Variants in FAT2 observed in about 807,000 individuals in gnomAD.
FAT2 encodes protocadherin Fat 2.
Under a neutral mutation model 295.3 loss-of-function variants are expected in FAT2, and 150 were observed. The observed-to-expected ratio is 0.51, with a 90% CI of 0.44 to 0.58. The LOEUF is 0.58. Among genes scored for constraint, FAT2 ranks in the 20% least tolerant of loss-of-function variants. FAT2 has a pLI of 0.00. For synonymous variants in FAT2, 2,026 were observed against 2,150.3 expected (o/e 0.94, Z 1.60); for missense variants, 4,868 against 5,442.7 (o/e 0.89, Z 3.32).
chr5:151,509,202 A>AT (rs1380215472), intron 22 of FAT2, among the ~76,000 whole-genome samples: 3 of 152,142 alleles, frequency 2.0e-5, no homozygotes, highest in Non-Finnish European at 4.4e-5. Flanking sequence ...CACTTCAGCC[A>AT]TTTTCAGACT....
At chr5:151,523,314 A>G (rs1047506345) in intron 18 of FAT2, among the ~76,000 whole-genome samples, 2 of 152,214 alleles carry the variant, frequency 1.3e-5, no homozygotes, top group Admixed American at 6.5e-5. Flanking sequence ...ACTGAGTACA[A>G]TGCTAGTCAT....
intron 12 of FAT2, 106 bp downstream of exon 12, chr5:151,537,687 A>T: frequency 1.8e-6 from 2 of 1,117,386 alleles, no homozygotes; most frequent in Non-Finnish European, 2.6e-6. Context: ...GTTTGCTGAT[A>T]GATGAGTGAA....
intron 13 of FAT2, among the ~76,000 whole-genome samples, chr5:151,532,960 A>G (rs574335941): frequency 1.3e-5 from 2 of 152,350 alleles, no homozygotes; most frequent in Non-Finnish European, 2.9e-5. Flanking sequence ...TGGCACTTAT[A>G]TGAAGAAACC....
intron 9 of FAT2, among the ~76,000 whole-genome samples, chr5:151,546,857 T>A (rs958250683): frequency 6.6e-6 from 1 of 152,204 alleles, no homozygotes; most frequent in East Asian, 1.9e-4. Context: ...GGATTACAGG[T>A]GTGAGCCACC....
At position 151,566,823 on chromosome 5, in the gene FAT2, G is replaced by A. The variant is rs749960457; in HGVS notation, c.2109C>T (p.Ser703=). Residue 703 remains serine, a synonymous_variant, in exon 2 of 24, where the codon AGC becomes AGT. Coordinates refer to ENST00000261800, the MANE Select transcript of FAT2 (RefSeq NM_001447.3). ...GGGTGTAATGATTAATCTGATATGT[G>A]CTTAAAGAAGTGAATTCCTCATCAC... ...ESSDEEFTSL[S]TYQINHYTPQ... is the part of the protein sequence containing the mutation. The A allele has an allele frequency of 6.2e-7, 1 of 1,614,170 alleles. No homozygotes were observed. The highest frequency in any genetic ancestry group is 8.5e-7 in the Non-Finnish European group (1 of 1,180,016).
intron 9 of FAT2, 77 bp from the exon 10 acceptor site, chr5:151,546,414 G>T (rs1457021803): frequency 1.8e-6 from 2 of 1,128,300 alleles, no homozygotes; most frequent in Non-Finnish European, 2.5e-6. Flanking sequence ...TCAGTAAAGG[G>T]TCTATCACAC....
intron 20 of FAT2, among the ~76,000 whole-genome samples, chr5:151,513,728 T>A (rs150910993): frequency 6.6e-4 from 100 of 152,310 alleles, no homozygotes; most frequent in Admixed American, 9.2e-4. Context: ...CCTGCATATG[T>A]ACCCCCGAAA....
In FAT2 at chr5:151,543,236, T is replaced by TG. The variant is rs1162279385; in HGVS notation, c.7890_7891insC (p.Lys2631GlnfsTer5). 6.2e-7 allele frequency: 1 copy of TG among 1,614,186 alleles called. No individual in the cohort carries two copies. The highest frequency in any genetic ancestry group is 8.5e-7 in the Non-Finnish European group (1 of 1,180,022). On this transcript the variant is annotated frameshift_variant, in exon 10 of 24. Coordinates refer to ENST00000261800, the MANE Select transcript of FAT2 (RefSeq NM_001447.3). LOFTEE classifies it high-confidence loss of function. Reference sequence around the variant, plus strand: ...ACTGGGTTAATTTCAATGACATCTTTAACTAGGTCCTCTGGGTTCACTGAG... The same window carrying TG: ...ACTGGGTTAATTTCAATGACATCTTTGAACTAGGTCCTCTGGGTTCACTGAG...
At chr5:151,581,576 G>A (rs948331010) in intron 1 of FAT2, among the ~76,000 whole-genome samples, 16 of 152,166 alleles carry the variant, frequency 1.1e-4, no homozygotes, top group Admixed American at 2.0e-4. Flanking sequence ...TTTATTGGGT[G>A]CCAGGCCCTG....
Position 151,507,504 on chromosome 5 carries a change from A to G in FAT2, c.12167T>C (p.Val4056Ala). ...QQELLIITVA[V>A]AFIIISTVGL... is the part of the protein sequence containing the mutation. ...GACAGTGCTTATGATAATGAACGCC[A>G]CGGCCACTGTGATGATCAGTAACTC... is the stretch of plus-strand genomic sequence containing the variant. Residue 4056 changes from valine (V) to alanine (A), a missense_variant, in exon 23 of 24, where the codon GTG (valine) becomes GCG (alanine). Physicochemically the swap from Val to Ala is moderately conservative, Grantham distance 64 (BLOSUM62 0). Transcript: ENST00000261800. 6.2e-7 allele frequency: 1 copy of G among 1,614,170 alleles called. No homozygotes were observed.
rs1581390342 is a variant in FAT2 at position 151,542,275 on chromosome 5, G to T, written c.8842+10C>A. 8.9e-6 allele frequency: 14 copies of T among 1,576,218 alleles called. 1 individual carries two copies. In the African/African-American group the frequency reaches 1.2e-4, roughly 14 times the overall value. ...TTCCAGAGCCTGCAGTCCATGACAGGTGTTCTTACCTGTGATGTAGCAGGT... is the reference window on the plus strand; with the variant it reads ...TTCCAGAGCCTGCAGTCCATGACAGTTGTTCTTACCTGTGATGTAGCAGGT... On this transcript the variant is annotated intron_variant, in intron 10 of 23. Transcript: ENST00000261800.
rs144420757 is a variant in FAT2 at position 151,509,637 on chromosome 5, C to T, written c.12059+384G>A. The T allele has an allele frequency of 9.4e-5, 19 of 202,692 alleles. No homozygotes were observed. In the East Asian group the frequency reaches 2.0e-3, roughly 22 times the overall value. 12.6% of individuals were successfully genotyped at this position (202,692 alleles called of 1,614,324 possible). Reference sequence around the variant, plus strand: ...CCCGATCTGTCACTGTCTCCCATCACCTCCAGATGGGACTGTCTAGTTGCA... The same window carrying T: ...CCCGATCTGTCACTGTCTCCCATCATCTCCAGATGGGACTGTCTAGTTGCA... On this transcript the variant is annotated intron_variant, in intron 22 of 23. Coordinates refer to ENST00000261800, the MANE Select transcript of FAT2 (RefSeq NM_001447.3).
intron 1 of FAT2, among the ~76,000 whole-genome samples, chr5:151,575,890 C>T (rs1333134168): frequency 2.6e-5 from 4 of 152,182 alleles, no homozygotes; most frequent in African/African-American, 4.8e-5. Flanking sequence ...ACTTGAAATG[C>T]GGCTAGTACA....
chr5:151,505,576 C>T lies in FAT2; in HGVS notation c.13039G>A (p.Val4347Ile). The T allele has an allele frequency of 6.2e-7, 1 of 1,614,128 alleles. No homozygotes were observed. Among genetic ancestry groups the T allele is most frequent in the South Asian group, 1.1e-5 (1 of 91,088 alleles). The change falls in exon 24 of 24, where the codon GTC (valine) becomes ATC (isoleucine). Residue 4347 changes from valine (V) to isoleucine (I), a missense_variant. Transcript: ENST00000261800. ...CTGGGAATGGGAAGCTAGAACATGA[C>T]CTCCTCACAGCTGCCATAATCACTC... ...VESDYGSCEE[V>I]MF
At chr5:151,549,255 A>G (rs190395480) in intron 9 of FAT2, 40 bp downstream of exon 9, 3 of 1,589,636 alleles carry the variant, frequency 1.9e-6, no homozygotes, top group East Asian at 4.5e-5. Flanking sequence ...TTTCTAAAGC[A>G]TCTTGACCCA....
Position 151,553,315 on chromosome 5 carries a change from G to C in FAT2, c.4018C>G (p.Pro1340Ala), listed in dbSNP as rs989484999. The change falls in exon 6 of 24, where the codon CCC becomes GCC. Residue 1340 changes from proline to alanine, a missense_variant. Pro to Ala is a conservative substitution (Grantham distance 27, BLOSUM62 -1). Around this residue, in one of 5 missense-constraint regions of FAT2, gnomAD observed 3,297 missense variants for 3,669.4 expected, o/e 0.90. Transcript: ENST00000261800. Reference sequence around the variant, plus strand: ...GCCAGAGGGATGGAGGACGGCCGGGGCCAAGGGATCCACTCAATGTGTAGC... The same window carrying C: ...GCCAGAGGGATGGAGGACGGCCGGGCCCAAGGGATCCACTCAATGTGTAGC... Reference protein sequence around the residue: ...VRLHIEWIPWPRPSSIPLAFD... With the variant: ...VRLHIEWIPWARPSSIPLAFD... 3.1e-6 allele frequency: 5 copies of C among 1,614,272 alleles called. No homozygotes were observed. The highest frequency in any genetic ancestry group is 4.2e-6 in the Non-Finnish European group (5 of 1,180,046).
chr5:151,509,316 C>G (rs1761130408), intron 22 of FAT2: 1 of 152,258 alleles, frequency 6.6e-6, no homozygotes, highest in Non-Finnish European at 1.5e-5. Flanking sequence ...CTGGGGAAAT[C>G]TCTAATAAGC....
chr5:151,560,451 T>TCCTC (rs746770284), intron 3 of FAT2, among the ~76,000 whole-genome samples: 2 of 152,136 alleles, frequency 1.3e-5, no homozygotes, highest in South Asian at 4.1e-4. Context: ...ATCAGGGTCT[T>TCCTC]CCTCCCTCTC....
intron 2 of FAT2, 76 bp downstream of exon 2, chr5:151,565,597 C>T (rs1758217545): frequency 6.9e-7 from 1 of 1,443,914 alleles, no homozygotes; most frequent in Non-Finnish European, 9.2e-7. Flanking sequence ...TTTCCTTCAG[C>T]CCGCAGGCTG....
Sources: gnomAD v4.1 joint callset for allele counts (sites outside exome capture counted in the v4.1 genomes callset) on GRCh38, gnomAD v4.1.1 for gene constraint, gnomAD v4.1.1 regional missense constraint, MANE v1.5 for transcripts, NCBI Gene and HGNC (gene_info 2026-07-23, HGNC 2026-07-21) for gene names.